The following CYB5R3 variants were observed in gnomAD, a reference collection of about 807,000 sequenced individuals.
The protein encoded by CYB5R3 is cytochrome b5 reductase 3.
A neutral mutation model predicts 36.5 loss-of-function variants in CYB5R3; 28 were observed. That is an observed-to-expected ratio of 0.77 (90% CI 0.57 to 1.05). CYB5R3 has a LOEUF of 1.05. Ranked by LOEUF, CYB5R3 falls within the 50% of genes least tolerant of loss-of-function variation. The pLI, the probability that CYB5R3 is intolerant of heterozygous loss-of-function variation, is 0.00. For synonymous variants in CYB5R3, 181 were observed against 159.8 expected, an observed-to-expected ratio of 1.13 and a Z score of -1.00; for missense variants, 474 against 408.9, an observed-to-expected ratio of 1.16 and a Z score of -1.37.
intron 4 of CYB5R3, 34 bp from the exon 5 acceptor site, chr22:42,628,315 C>G (rs8190445): frequency 6.2e-7 from 1 of 1,612,118 alleles, no homozygotes. Context: ...CAGTCCCCAG[C>G]TCCAGGTCTC....
At chr22:42,634,634 T>C (rs1340405390) in intron 2 of CYB5R3, among the ~76,000 whole-genome samples, 2 of 145,004 alleles carry the variant, frequency 1.4e-5, no homozygotes, top group Admixed American at 6.8e-5. Flanking sequence ...GATTGATTGA[T>C]TGATTGATTG....
chr22:42,619,060 C>T lies in CYB5R3; in HGVS notation c.*713G>A, dbSNP rs79192059. ...GCCATCAGGGATGGTGGCCCCAGCC[C>T]AGGACCCCAAAACCCTGAGGCGGTG... On this transcript the variant is annotated 3_prime_UTR_variant, in exon 9 of 9. Transcript: ENST00000352397. The T allele has an allele frequency of 7.8e-3, 1,187 of 152,914 alleles. 5 individuals carry two copies. Among genetic ancestry groups the T allele is most frequent in the Middle Eastern group, 0.017 (5 of 294 alleles). 9.5% of individuals were successfully genotyped at this position (152,914 alleles called of 1,614,324 possible).
intron 6 of CYB5R3, 29 bp downstream of exon 6, chr22:42,627,576 C>G: frequency 6.3e-7 from 1 of 1,599,306 alleles, no homozygotes; most frequent in Non-Finnish European, 8.6e-7. Flanking sequence ...CATGAGCCGC[C>G]GGACGCCTCA....
Position 42,630,911 on chromosome 22 carries a change from C to T in CYB5R3, c.304G>A (p.Asp102Asn), listed in dbSNP as rs774575029. ...RPYTPISSDD[D>N]KGFVDLVIKV... ...ATGACCAGGTCCACGAAGCCCTTGT[C>T]ATCATCGCTGGAGATGGGTGTATAG... Residue 102 changes from aspartate to asparagine, a missense_variant, in exon 4 of 9, where the codon GAC becomes AAC. Physicochemically the swap from Asp to Asn is conservative, Grantham distance 23 (BLOSUM62 1). Coordinates refer to ENST00000352397, the MANE Select transcript of CYB5R3 (RefSeq NM_000398.7). 10 of 1,613,826 alleles carry T rather than the reference C, an allele frequency of 6.2e-6. No individual in the cohort carries two copies. In the East Asian group the frequency reaches 1.8e-4, roughly 29 times the overall value.
intron 4 of CYB5R3, among the ~76,000 whole-genome samples, chr22:42,629,808 C>CT (rs1397849158): frequency 1.3e-4 from 19 of 151,636 alleles, no homozygotes; most frequent in South Asian, 6.3e-4. Context: ...GCTTGTATTT[C>CT]TTTTTTTTTG....
In CYB5R3 at chr22:42,638,728, TAAAAA is replaced by T. The variant is rs67349863; in HGVS notation, c.22-1887_22-1883del. Among the ~76,000 whole-genome samples, 105 of 47,518 alleles carry T rather than the reference TAAAAA, an allele frequency of 2.2e-3. 6 individuals carry two copies. The highest frequency in any genetic ancestry group is 0.013 in the Middle Eastern group (1 of 80). The allele number at this position is 47,518 out of a possible 152,430, so 31.2% of individuals were successfully genotyped here. ...GCCTGGGAGACAGAGCAAGACTCCA[TAAAAA>T]AAAAAAAAAAAAAAAAAGGCCGGGC... On this transcript the variant is annotated intron_variant, in intron 1 of 8. Coordinates refer to ENST00000352397, the MANE Select transcript of CYB5R3 (RefSeq NM_000398.7).
At chr22:42,640,120 C>T in intron 1 of CYB5R3, 9 of 1,613,732 alleles carry the variant, frequency 5.6e-6, no homozygotes, top group Non-Finnish European at 6.8e-6. Flanking sequence ...TTTTTTCAGG[C>T]TCTGAATAGC....
At chr22:42,647,854 G>A (rs1348464251) in intron 1 of CYB5R3, among the ~76,000 whole-genome samples, 2 of 152,048 alleles carry the variant, frequency 1.3e-5, no homozygotes, top group Non-Finnish European at 2.9e-5. Context: ...CTGGGTGAGA[G>A]ACTCTTCTCA....
chr22:42,648,459 T>G (rs976869098), intron 1 of CYB5R3, among the ~76,000 whole-genome samples: 5 of 151,708 alleles, frequency 3.3e-5, no homozygotes, highest in African/African-American at 1.2e-4. Flanking sequence ...GGAGAGGAGG[T>G]GGCCTGGGGG....
intron 1 of CYB5R3, chr22:42,646,971 A>G (rs906639246): frequency 7.5e-5 from 74 of 985,308 alleles, no homozygotes; most frequent in Non-Finnish European, 8.3e-5. Context: ...CCAAGCTCCA[A>G]TGTTTTCCCA....
intron 8 of CYB5R3, among the ~76,000 whole-genome samples, chr22:42,620,331 G>C (rs1927897503): frequency 6.6e-6 from 1 of 152,110 alleles, no homozygotes; most frequent in Non-Finnish European, 1.5e-5. Context: ...CACACAATGA[G>C]GCAGGGACAC....
chr22:42,621,183 AGTGT>A (rs61564405), intron 8 of CYB5R3, among the ~76,000 whole-genome samples: 2,058 of 147,800 alleles, frequency 0.014, 59 homozygotes, highest in East Asian at 0.13. Context: ...ATTTCTTTTT[AGTGT>A]GTGTGTGTGT....
intron 8 of CYB5R3, 104 bp downstream of exon 8, chr22:42,623,685 A>G: frequency 1.1e-6 from 1 of 917,396 alleles, no homozygotes; most frequent in Non-Finnish European, 1.8e-6. Flanking sequence ...GGCCATAGTG[A>G]GTGCCAGATG....
Position 42,644,801 on chromosome 22 carries a change from C to T in CYB5R3, c.21+4494G>A, listed in dbSNP as rs8190404. Among the ~76,000 whole-genome samples the T allele has an allele frequency of 0.15, 22,296 of 152,188 alleles. 1,731 individuals carry two copies. The highest frequency in any genetic ancestry group is 0.22 in the Middle Eastern group (65 of 292). On this transcript the variant is annotated intron_variant, in intron 1 of 8. Transcript: ENST00000352397. ...TTAGGAGCTGGGGTTGTGCTTGGTG[C>T]TCCCTGGAGTTCTGTTTTTCCAGCA...
rs1232111681 is a variant in CYB5R3, at chr22:42,640,067, C to T, written c.22-3221G>A. 1.2e-6 allele frequency: 2 copies of T among 1,613,882 alleles called. No individual in the cohort carries two copies. The highest frequency in any genetic ancestry group is 4.5e-5 in the East Asian group (2 of 44,892). ...AAACCGTTCAGCAAAGCTTCCTTAACTGTGAGCTGTTTGAAGCTACCAGTC... is the reference window on the plus strand; with the variant it reads ...AAACCGTTCAGCAAAGCTTCCTTAATTGTGAGCTGTTTGAAGCTACCAGTC... On this transcript the variant is annotated intron_variant, in intron 1 of 8. Coordinates refer to ENST00000352397, the MANE Select transcript of CYB5R3 (RefSeq NM_000398.7).
chr22:42,627,490 G>T, intron 6 of CYB5R3, 101 bp from the exon 7 acceptor site: 3 of 1,464,174 alleles, frequency 2.0e-6, no homozygotes, highest in Non-Finnish European at 1.9e-6. Flanking sequence ...GGACCACTGG[G>T]CCTGGGCCCC....
chr22:42,623,804 C>G lies in CYB5R3; in HGVS notation c.718G>C (p.Asp240His). ...SARFKLWYTL[D>H]RAPEAWDYGQ... ...CCTCACTCACCTTCAGGGGCTCTGTCCAGCGTGTACCAGAGCTTGAAGCGT... is the reference window on the plus strand; with the variant it reads ...CCTCACTCACCTTCAGGGGCTCTGTGCAGCGTGTACCAGAGCTTGAAGCGT... The change falls in exon 8 of 9, where the codon GAC (aspartate) becomes CAC (histidine). Residue 240 changes from aspartate to histidine, a missense_variant. Coordinates refer to ENST00000352397, the MANE Select transcript of CYB5R3 (RefSeq NM_000398.7). 6.2e-7 allele frequency: 1 copy of G among 1,613,990 alleles called. No individual in the cohort carries two copies. Among genetic ancestry groups the G allele is most frequent in the Middle Eastern group, 1.7e-4 (1 of 6,060 alleles).
intron 2 of CYB5R3, among the ~76,000 whole-genome samples, chr22:42,634,180 T>A (rs1023139202): frequency 6.7e-6 from 1 of 149,134 alleles, no homozygotes; most frequent in Non-Finnish European, 1.5e-5. Flanking sequence ...GTTGAAACCC[T>A]GACTCTACTA....
intron 2 of CYB5R3, chr22:42,633,222 C>T (rs976013193): frequency 2.0e-5 from 3 of 152,266 alleles, no homozygotes; most frequent in African/African-American, 7.2e-5. Flanking sequence ...GTGTAACATC[C>T]CTATGATGAA....
Sources: gnomAD v4.1 joint callset for allele counts (sites outside exome capture counted in the v4.1 genomes callset) on GRCh38, gnomAD v4.1.1 for gene constraint, MANE v1.5 for transcripts, NCBI Gene and HGNC (gene_info 2026-07-23, HGNC 2026-07-21) for gene names.